The following SPAG17 variants were observed in gnomAD, a reference collection of about 807,000 sequenced individuals.
The protein encoded by SPAG17 is sperm-associated antigen 17.
A neutral mutation model predicts 273.6 loss-of-function variants in SPAG17; 169 were observed. That is an observed-to-expected ratio of 0.62 (90% CI 0.55 to 0.70). The LOEUF is 0.70. Among genes scored for constraint, SPAG17 ranks in the 30% least tolerant of loss-of-function variants. The pLI, the probability that SPAG17 is intolerant of heterozygous loss-of-function variation, is 0.00. For missense variants in SPAG17, 2,557 were observed against 2,627.8 expected, an observed-to-expected ratio of 0.97 and a Z score of 0.59; for synonymous variants, 825 against 873.2, an observed-to-expected ratio of 0.94 and a Z score of 0.97.
chr1:118,086,597 G>T, intron 12 of SPAG17, 74 bp downstream of exon 12: 1 of 1,242,198 alleles, frequency 8.1e-7, no homozygotes, highest in Non-Finnish European at 1.2e-6. Flanking sequence ...TATCTAATTA[G>T]CTTCTTTCAA....
Position 117,997,072 on chromosome 1 carries a change from C to T in SPAG17, c.4777-329G>A, listed in dbSNP as rs147532024. Among the ~76,000 whole-genome samples, 6 of 152,156 alleles carry T rather than the reference C, an allele frequency of 3.9e-5. No homozygotes were observed. The East Asian group carries it at 1.2e-3, about 29-fold the overall frequency. On this transcript the variant is annotated intron_variant, in intron 32 of 48. Coordinates refer to ENST00000336338, the MANE Select transcript of SPAG17 (RefSeq NM_206996.4). ...GAATTTAAACATGGAGGAATGGGTACTCATGCAATAGTTGTCTTGAATTAT... is the reference window on the plus strand; with the variant it reads ...GAATTTAAACATGGAGGAATGGGTATTCATGCAATAGTTGTCTTGAATTAT...
intron 3 of SPAG17, among the ~76,000 whole-genome samples, chr1:118,130,831 G>A (rs892420494): frequency 4.6e-5 from 7 of 152,246 alleles, no homozygotes; most frequent in South Asian, 2.1e-4. Flanking sequence ...GCTAGACACC[G>A]TACTACAAAC....
intron 46 of SPAG17, among the ~76,000 whole-genome samples, chr1:117,969,452 G>A (rs764984279): frequency 4.1e-4 from 63 of 152,184 alleles, no homozygotes; most frequent in Middle Eastern, 3.4e-3. Flanking sequence ...GGTGGCATGC[G>A]CCTGTAATCC....
chr1:118,126,203 C>CTTTTTTTT (rs776674134), intron 3 of SPAG17, among the ~76,000 whole-genome samples: 3 of 110,564 alleles, frequency 2.7e-5, no homozygotes, highest in Non-Finnish European at 5.4e-5. Context: ...ATCCTTTATC[C>CTTTTTTTT]TTTTTTTTTT....
In SPAG17 at chr1:117,963,833, C is replaced by T. The variant is rs114407595; in HGVS notation, c.6638G>A (p.Gly2213Glu). The T allele has an allele frequency of 7.4e-6, 12 of 1,613,762 alleles. No homozygotes were observed. The African/African-American group carries it at 1.6e-4, about 22-fold the overall frequency. ...RTSTIYSSTL[G>E]VFMSRKVSPH ...AGAAACTTTACGAGACATGAAGACT[C>T]CAAGTGTGGAGGAATAAATTGTAGA... Residue 2213 changes from glycine to glutamate, a missense_variant, in exon 48 of 49, where the codon GGA becomes GAA. By Grantham distance (98) the Gly-to-Glu change is moderately conservative (BLOSUM62 -2). Coordinates refer to ENST00000336338, the MANE Select transcript of SPAG17 (RefSeq NM_206996.4).
intron 15 of SPAG17, among the ~76,000 whole-genome samples, chr1:118,074,983 A>C (rs1557990354): frequency 2.0e-5 from 3 of 152,198 alleles, no homozygotes; most frequent in Non-Finnish European, 4.4e-5. Flanking sequence ...GACTATCACA[A>C]AGCCTTTTTA....
chr1:118,020,138 G>A (rs895120585), intron 28 of SPAG17, among the ~76,000 whole-genome samples: 1 of 152,132 alleles, frequency 6.6e-6, no homozygotes, highest in South Asian at 2.1e-4. Context: ...CTAGAATAAA[G>A]AGTCATTGCA....
At chr1:118,166,466 T>C (rs545018588) in intron 1 of SPAG17, among the ~76,000 whole-genome samples, 3 of 152,314 alleles carry the variant, frequency 2.0e-5, no homozygotes, top group Admixed American at 1.3e-4. Flanking sequence ...AAATCATCCA[T>C]AGATGGATCT....
intron 28 of SPAG17, among the ~76,000 whole-genome samples, chr1:118,022,193 C>T (rs1660563623): frequency 6.6e-6 from 1 of 152,094 alleles, no homozygotes; most frequent in Non-Finnish European, 1.5e-5. Context: ...AGCTAAGAGA[C>T]CTCAAGGAAA....
intron 3 of SPAG17, among the ~76,000 whole-genome samples, chr1:118,116,965 A>G (rs1313347803): frequency 6.6e-6 from 1 of 152,206 alleles, no homozygotes; most frequent in African/African-American, 2.4e-5. Context: ...CTCACCATTT[A>G]ATGATGACCA....
intron 40 of SPAG17, among the ~76,000 whole-genome samples, chr1:117,985,506 G>A (rs146289749): frequency 6.6e-6 from 1 of 152,190 alleles, no homozygotes; most frequent in African/African-American, 2.4e-5. Context: ...GCATGGAAAT[G>A]ATGTACTAAG....
At chr1:118,138,819 T>C (rs1032377708) in intron 3 of SPAG17, among the ~76,000 whole-genome samples, 76 of 152,192 alleles carry the variant, frequency 5.0e-4, no homozygotes, top group African/African-American at 1.8e-3. Context: ...TCTACAATAC[T>C]TACTATGTAT....
chr1:117,962,748 T>TA (rs1233206485), intron 48 of SPAG17: 2 of 152,256 alleles, frequency 1.3e-5, no homozygotes, highest in Non-Finnish European at 2.9e-5. Flanking sequence ...ATTCTAAAGA[T>TA]ATCTAGCAAA....
chr1:118,171,681 A>C (rs1330155036), intron 1 of SPAG17, among the ~76,000 whole-genome samples: 1 of 152,206 alleles, frequency 6.6e-6, no homozygotes, highest in Non-Finnish European at 1.5e-5. Context: ...AAGTATTAAT[A>C]GAAAAATTTT....
chr1:118,041,130 G>A (rs1024750173), intron 21 of SPAG17, among the ~76,000 whole-genome samples: 1 of 152,128 alleles, frequency 6.6e-6, no homozygotes, highest in African/African-American at 2.4e-5. Context: ...AAGAAATCAA[G>A]TTCCCATTCA....
rs1656235592 is a variant in SPAG17, at chr1:117,984,896, A to G, written c.5670-114T>C. 1.5e-5 allele frequency: 10 copies of G among 665,210 alleles called. No individual in the cohort carries two copies. The East Asian group carries it at 2.9e-4, about 19-fold the overall frequency. The allele number at this position is 665,210 out of a possible 1,614,324, so 41.2% of individuals were successfully genotyped here. On this transcript the variant is annotated intron_variant, in intron 40 of 48. Coordinates refer to ENST00000336338, the MANE Select transcript of SPAG17 (RefSeq NM_206996.4). The stretch of plus-strand genomic sequence containing the variant: ...AATGAATGCAATCACTAACAATAAA[A>G]CTGACAAGAATTAATTTATTAGATA...
intron 46 of SPAG17, among the ~76,000 whole-genome samples, chr1:117,967,584 G>A (rs115279526): frequency 0.011 from 1,726 of 152,308 alleles, 20 homozygotes; most frequent in Non-Finnish European, 0.018. Context: ...TGACTTTAGG[G>A]TATTCCTAAT....
At chr1:118,079,483 C>A (rs1381137262) in intron 15 of SPAG17, among the ~76,000 whole-genome samples, 2 of 151,882 alleles carry the variant, frequency 1.3e-5, no homozygotes, top group African/African-American at 2.4e-5. Context: ...TTATGATTAA[C>A]CTTATATAAA....
chr1:118,076,985 C>T (rs1654154571), intron 15 of SPAG17, among the ~76,000 whole-genome samples: 1 of 152,092 alleles, frequency 6.6e-6, no homozygotes, highest in African/African-American at 2.4e-5. Context: ...TAAATATCCA[C>T]TAGGCCCTGT....
Sources: allele counts gnomAD v4.1 joint callset (sites outside exome capture counted in the v4.1 genomes callset), GRCh38; gene constraint gnomAD v4.1.1; transcripts MANE v1.5; gene names NCBI Gene and HGNC (gene_info 2026-07-23, HGNC 2026-07-21).